The following TNRC18 variants were observed in gnomAD, a reference collection of about 807,000 sequenced individuals.
TNRC18 encodes trinucleotide repeat containing 18, also known as trinucleotide repeat-containing gene 18 protein.
TNRC18 carries 69 observed loss-of-function variants against 226.7 expected under a neutral mutation model. The observed-to-expected ratio is 0.30, with a 90% CI of 0.25 to 0.37. TNRC18 has a LOEUF of 0.37. Ranked by LOEUF, TNRC18 falls within the 10% of genes least tolerant of loss-of-function variation. The pLI is 1.00. For synonymous variants in TNRC18, 2,449 were observed against 1,927.6 expected (o/e 1.27, Z -7.09); for missense variants, 4,754 against 4,256.6 (o/e 1.12, Z -3.25).
chr7:5,420,479 G>A (rs1328320302), intron 2 of TNRC18: 4 of 451,526 alleles, frequency 8.9e-6, no homozygotes, highest in South Asian at 4.7e-5. Context: ...TTCTCCCGGG[G>A]AAGAAAGGGG....
At chr7:5,362,134 T>C in intron 12 of TNRC18, 101 bp from the exon 13 acceptor site, 1 of 1,433,292 alleles carries the variant, frequency 7.0e-7, no homozygotes, top group Non-Finnish European at 9.5e-7. Context: ...GAGACTGCAC[T>C]GGGAGCTGGG....
In TNRC18 at chr7:5,370,436, G is replaced by A. The variant is rs1174614528; in HGVS notation, c.4158C>T (p.Gly1386=). The A allele has an allele frequency of 6.4e-7, 1 of 1,557,804 alleles. No individual in the cohort carries two copies. Among genetic ancestry groups the A allele is most frequent in the Non-Finnish European group, 8.7e-7 (1 of 1,150,400 alleles). The change falls in exon 11 of 30, where the codon GGC becomes GGT. Residue 1386 remains glycine, a synonymous_variant. Coordinates refer to ENST00000430969, the MANE Select transcript of TNRC18 (RefSeq NM_001080495.3). ...SLVLEQSFLH[G]ITLLSEIAEL... is the part of the protein sequence containing the mutation. ...CTGCGATCTCACTTAGCAGGGTGAT[G>A]CCATGCAGGAAGCTCTGCTCCAAGA...
rs1000440311 is a variant in TNRC18 at position 5,394,560 on chromosome 7, T to A, written c.223A>T (p.Met75Leu). 6.5e-7 allele frequency: 1 copy of A among 1,549,388 alleles called. No individual in the cohort carries two copies. The highest frequency in any genetic ancestry group is 1.4e-5 in the African/African-American group (1 of 72,514). Residue 75 changes from methionine to leucine, a missense_variant, in exon 3 of 30, where the codon ATG (methionine) becomes TTG (leucine). By Grantham distance (15) the Met-to-Leu change is conservative. Transcript: ENST00000430969. The surrounding 1 kb of genome is among the most constrained non-coding windows in gnomAD (Gnocchi z 4.5). The part of the protein sequence containing the change: ...AFLGSFVASG[M>L]GPSASSHGSP... ...CCATGGGACGAGGCCGAGGGCCCCA[T>A]CCCGCTGGCCACAAAGCTGCCCAAG...
At chr7:5,356,847 C>T (rs1185463040) in intron 16 of TNRC18, 69 bp downstream of exon 16, 3 of 1,434,938 alleles carry the variant, frequency 2.1e-6, no homozygotes, top group African/African-American at 1.5e-5. Context: ...GGAAGGAGGA[C>T]GGTGGAGAGA....
rs747184416 is a variant in TNRC18, at chr7:5,357,128, C to T, written c.4982G>A (p.Gly1661Asp). The change falls in exon 16 of 30, where the codon GGC becomes GAC. Residue 1661 changes from glycine (G) to aspartate (D), a missense_variant. Physicochemically the swap from Gly to Asp is moderately conservative, Grantham distance 94. Transcript: ENST00000430969. Reference sequence around the variant, plus strand: ...GTAAGGAGTCAAGTACCTGCCGCAGCCCCCGCTAGTTTTCGATTTCCCCCC... The same window carrying T: ...GTAAGGAGTCAAGTACCTGCCGCAGTCCCCGCTAGTTTTCGATTTCCCCCC... The part of the protein sequence containing the change: ...SAGGKSKTSG[G>D]CGRYLTPYDS... 3.2e-6 allele frequency: 5 copies of T among 1,557,844 alleles called. No homozygotes were observed. Among genetic ancestry groups the T allele is most frequent in the Middle Eastern group, 3.3e-4 (2 of 6,024 alleles).
intron 10 of TNRC18, among the ~76,000 whole-genome samples, chr7:5,372,070 ATTTTTTTTTTTT>A (rs35270494): frequency 6.9e-6 from 1 of 144,800 alleles, no homozygotes; most frequent in African/African-American, 2.5e-5. Context: ...CGCCTGGCTA[ATTTTTTTTTTTT>A]TTTGAGACGC....
rs1449944707 is a variant in TNRC18, at chr7:5,325,213, C to G, written c.6183G>C (p.Gly2061=). The part of the protein sequence containing the change: ...KKGKEAGPGA[G]LPPPRAPALP... ...AGGCAGGAGCTCGGGGCGGCGGCAG[C>G]CCAGCTCCTGGCCCAGCCTCTTTCC... The change falls in exon 20 of 30, where the codon GGG becomes GGC. Residue 2061 remains glycine, a synonymous_variant. Coordinates refer to ENST00000430969, the MANE Select transcript of TNRC18 (RefSeq NM_001080495.3). 2 of 1,554,622 alleles carry G rather than the reference C, an allele frequency of 1.3e-6. No homozygotes were observed. The highest frequency in any genetic ancestry group is 1.7e-6 in the Non-Finnish European group (2 of 1,152,084).
chr7:5,404,987 A>C (rs968897860), intron 2 of TNRC18, among the ~76,000 whole-genome samples: 3 of 152,014 alleles, frequency 2.0e-5, no homozygotes, highest in Non-Finnish European at 2.9e-5. Flanking sequence ...GTGTGGCTGC[A>C]TGCGCCTGTA....
intron 16 of TNRC18, among the ~76,000 whole-genome samples, chr7:5,352,829 G>A (rs1791966137): frequency 6.6e-6 from 1 of 152,240 alleles, no homozygotes; most frequent in East Asian, 1.9e-4. Context: ...ACGCCATTTT[G>A]ATCTGCTTTT....
intron 2 of TNRC18, among the ~76,000 whole-genome samples, chr7:5,400,346 A>C (rs749177326): frequency 3.1e-4 from 47 of 152,152 alleles, no homozygotes; most frequent in Non-Finnish European, 5.0e-4. Context: ...GTGGTGGCTC[A>C]TGCCTGTAAT....
rs569607173 is a variant in TNRC18 at position 5,400,991 on chromosome 7, G to A, written c.188-6396C>T. Among the ~76,000 whole-genome samples, 14 of 152,236 alleles carry A rather than the reference G, an allele frequency of 9.2e-5. 2 individuals are homozygous for A. In the South Asian group the frequency reaches 1.9e-3, roughly 20 times the overall value. On this transcript the variant is annotated intron_variant, in intron 2 of 29. Transcript: ENST00000430969. ...CAGGAGGCTGAGGCTGCAGTGAGCT[G>A]AGATTTCGTGCAGCCTGGGAGACAG...
intron 19 of TNRC18, among the ~76,000 whole-genome samples, chr7:5,331,778 T>C (rs894133614): frequency 2.0e-5 from 3 of 152,046 alleles, no homozygotes; most frequent in Non-Finnish European, 4.4e-5. Context: ...GGCACGGTGG[T>C]ATGCACCTGT....
intron 18 of TNRC18, among the ~76,000 whole-genome samples, chr7:5,344,948 G>C (rs1280820333): frequency 6.6e-6 from 1 of 152,166 alleles, no homozygotes; most frequent in Non-Finnish European, 1.5e-5. Flanking sequence ...CCAAGTGTGA[G>C]TGCCTGCTGC....
Position 5,324,356 on chromosome 7 carries a change from C to A in TNRC18, c.6301-1G>T. ...TCACGGCACCCCCCTTGCCGCGGTT[C>A]TGGGGACAGAACATGGCCGACAAAT... On this transcript the variant is annotated splice_acceptor_variant, in intron 20 of 29. Coordinates refer to ENST00000430969, the MANE Select transcript of TNRC18 (RefSeq NM_001080495.3). LOFTEE classifies it high-confidence loss of function. This position sits in a 1 kb window ranked among gnomAD's most constrained non-coding sequence, Gnocchi z 4.8. 2 of 1,613,252 alleles carry A rather than the reference C, an allele frequency of 1.2e-6. No homozygotes were observed. The highest frequency in any genetic ancestry group is 1.7e-6 in the Non-Finnish European group (2 of 1,179,704).
chr7:5,308,381 A>T, intron 29 of TNRC18, 69 bp from the exon 30 acceptor site: 1 of 1,450,406 alleles, frequency 6.9e-7, no homozygotes, highest in Non-Finnish European at 9.4e-7. Flanking sequence ...CCAGGGAGCC[A>T]CAGGGACAGA....
At chr7:5,346,373 G>C (rs138963269) in intron 17 of TNRC18, among the ~76,000 whole-genome samples, 1 of 152,178 alleles carries the variant, frequency 6.6e-6, no homozygotes, top group Non-Finnish European at 1.5e-5. Flanking sequence ...TTTCAGCCCC[G>C]AGAAGGGATC....
intron 1 of TNRC18, chr7:5,422,787 C>T (rs1348505409): frequency 3.3e-5 from 5 of 152,294 alleles, no homozygotes; most frequent in Non-Finnish European, 7.3e-5. Context: ...CCCTCTCTCC[C>T]ATCAGGCTCT....
intron 18 of TNRC18, 45 bp downstream of exon 18, chr7:5,345,517 G>GGGGGGGGGCCGC: frequency 2.6e-6 from 1 of 377,744 alleles, no homozygotes; most frequent in East Asian, 4.6e-5. Context: ...AATGGCGTCC[G>GGGGGGGGGCCGC]CCCCTCCCAC....
At chr7:5,315,279 G>A in intron 25 of TNRC18, 131 bp from the exon 26 acceptor site, 1 of 967,200 alleles carries the variant, frequency 1.0e-6, no homozygotes, top group Non-Finnish European at 1.5e-6. Context: ...ACCCCGGATG[G>A]GCTCCCATGA....
Sources: allele counts gnomAD v4.1 joint callset (sites outside exome capture counted in the v4.1 genomes callset), GRCh38; gene constraint gnomAD v4.1.1; non-coding constraint Gnocchi (gnomAD v3.1); transcripts MANE v1.5; gene names NCBI Gene and HGNC (gene_info 2026-07-23, HGNC 2026-07-21).